FRY: variants seen among roughly 807,000 people sequenced by gnomAD.
FRY encodes the protein protein furry homolog.
FRY carries 128 observed loss-of-function variants against 348.4 expected under a neutral mutation model. The ratio of observed to expected loss-of-function variants is 0.37; its 90% CI spans 0.32 to 0.43. FRY has a LOEUF of 0.43. FRY is among the 20% of genes least tolerant of loss of function. The pLI, the probability that FRY is intolerant of heterozygous loss-of-function variation, is 1.00. For synonymous variants in FRY, 1,370 were observed against 1,374.7 expected, an observed-to-expected ratio of 1.00 and a Z score of 0.08; for missense variants, 2,736 against 3,695.2, an observed-to-expected ratio of 0.74 and a Z score of 6.73.
At chr13:32,143,604 T>G (rs1880216521) in intron 11 of FRY, among the ~76,000 whole-genome samples, 1 of 152,178 alleles carries the variant, frequency 6.6e-6, no homozygotes, top group Non-Finnish European at 1.5e-5. Flanking sequence ...GATACTTGCC[T>G]TCCTCATCAT....
chr13:32,258,030 A>C, intron 51 of FRY: 1 of 1,344,424 alleles, frequency 7.4e-7, no homozygotes. Context: ...ATCTTTGCAG[A>C]TTTATAACAA....
intron 7 of FRY, among the ~76,000 whole-genome samples, chr13:32,126,417 A>T (rs1050734353): frequency 3.0e-4 from 45 of 152,342 alleles, no homozygotes; most frequent in African/African-American, 1.1e-3. Context: ...CAATATTCTA[A>T]GCTTGTAGGA....
intron 28 of FRY, among the ~76,000 whole-genome samples, chr13:32,191,647 T>G (rs809559): frequency 0.49 from 74,456 of 152,006 alleles, 18,194 homozygotes; most frequent in Non-Finnish European, 0.49. Context: ...AGGCCAAGAA[T>G]TCCAAGGTTA....
rs368818617 is a variant in FRY, at chr13:32,065,712, C to T, written c.71-13122C>T. On this transcript the variant is annotated intron_variant, in intron 1 of 60. Transcript: ENST00000542859. ...AATTCCTGGGCTCAAGCGATCCTCC[C>T]GTCTCAGCCTCCCAGTAGCTAAGAC... 1.1e-4 allele frequency among the ~76,000 whole-genome samples: 16 copies of T among 152,166 alleles called. No homozygotes were observed. In the East Asian group the frequency reaches 2.5e-3, roughly 24 times the overall value.
chr13:32,281,359 C>T lies in FRY; in HGVS notation c.8469+2811C>T, dbSNP rs186431677. 7.2e-5 allele frequency among the ~76,000 whole-genome samples: 11 copies of T among 152,328 alleles called. No homozygotes were observed. The East Asian group carries it at 1.9e-3, about 27-fold the overall frequency. On this transcript the variant is annotated intron_variant, in intron 58 of 60. Coordinates refer to ENST00000542859, the MANE Select transcript of FRY (RefSeq NM_023037.3). ...TTCTTTCCATTTGTCCACACTTTCT[C>T]TAGCTTAATTTTGGAAGCAAAACAT...
intron 2 of FRY, among the ~76,000 whole-genome samples, chr13:32,097,148 G>A (rs1406713064): frequency 1.3e-5 from 2 of 152,092 alleles, no homozygotes; most frequent in Admixed American, 6.5e-5. Flanking sequence ...TTTCCCCGCT[G>A]TGGCAGGATC....
intron 59 of FRY, among the ~76,000 whole-genome samples, chr13:32,291,393 T>G (rs1355898637): frequency 1.3e-5 from 2 of 151,102 alleles, no homozygotes; most frequent in Non-Finnish European, 3.0e-5. Context: ...CTTTACTTTT[T>G]CTTTTTCTTT....
chr13:32,169,546 T>C (rs1881937217), intron 17 of FRY, among the ~76,000 whole-genome samples: 1 of 152,180 alleles, frequency 6.6e-6, no homozygotes, highest in Non-Finnish European at 1.5e-5. Flanking sequence ...GGCAAGACCC[T>C]GATCCAGGCA....
At position 32,157,293 on chromosome 13, in the gene FRY, C is replaced by A; in HGVS notation, c.1672C>A (p.Gln558Lys). 6.2e-7 allele frequency: 1 copy of A among 1,612,458 alleles called. No homozygotes were observed. Among genetic ancestry groups the A allele is most frequent in the South Asian group, 1.1e-5 (1 of 91,042 alleles). ...KMIGMSLYYS[Q>K]VRKAVDNILR... ...TTCAGGCATGTCCTTATATTACTCT[C>A]AAGTACGAAAAGCTGTAGACAACAT... The change falls in exon 16 of 61, where the codon CAA becomes AAA. Residue 558 changes from glutamine (Q) to lysine (K), a missense_variant. This residue lies in a region of FRY where 191 missense variants were observed against 370.2 expected (regional missense o/e 0.52). Transcript: ENST00000542859.
rs535816538 is a variant in FRY, at chr13:32,117,341, G to A, written c.332G>A (p.Ser111Asn). 10 of 1,613,920 alleles carry A rather than the reference G, an allele frequency of 6.2e-6. No individual in the cohort carries two copies. In the East Asian group the frequency reaches 2.2e-4, roughly 36 times the overall value. Residue 111 changes from serine (S) to asparagine (N), a missense_variant, in exon 4 of 61, where the codon AGC (serine) becomes AAC (asparagine). This residue lies in a region of FRY where 309 missense variants were observed against 418.1 expected (regional missense o/e 0.74). Coordinates refer to ENST00000542859, the MANE Select transcript of FRY (RefSeq NM_023037.3). The part of the protein sequence containing the change: ...GEDPQFDQVI[S>N]SMSSLSEYCL... Reference sequence around the variant, plus strand: ...CTGCATTTTCCTCCATAGGTCATCAGCTCAATGAGCTCCCTTTCTGAGTAC... The same window carrying A: ...CTGCATTTTCCTCCATAGGTCATCAACTCAATGAGCTCCCTTTCTGAGTAC...
Position 32,184,748 on chromosome 13 carries a change from T to C in FRY, c.3146+57T>C, listed in dbSNP as rs1882925181. 5.5e-6 allele frequency: 6 copies of C among 1,087,372 alleles called. No individual in the cohort carries two copies. In the South Asian group the frequency reaches 7.5e-5, roughly 14 times the overall value. The allele number at this position is 1,087,372 out of a possible 1,614,324, so 67.4% of individuals were successfully genotyped here. ...TCTCACCAGACTGATCTTTTTGTTT[T>C]CTTTCTGTCTCTCTCTTTTGTCTTT... is the stretch of plus-strand genomic sequence containing the variant. On this transcript the variant is annotated intron_variant, in intron 25 of 60. Coordinates refer to ENST00000542859, the MANE Select transcript of FRY (RefSeq NM_023037.3).
intron 16 of FRY, among the ~76,000 whole-genome samples, chr13:32,158,891 C>T (rs1881268710): frequency 7.1e-6 from 1 of 141,206 alleles, no homozygotes; most frequent in Non-Finnish European, 1.5e-5. Flanking sequence ...GCATTCCAGC[C>T]TGGGCGACAG....
chr13:32,143,986 G>A (rs536575697), intron 11 of FRY, among the ~76,000 whole-genome samples: 82 of 152,150 alleles, frequency 5.4e-4, no homozygotes, highest in Middle Eastern at 6.8e-3. Context: ...AGGCAAGGAT[G>A]GATTCAAACC....
chr13:32,082,784 C>T (rs1036721997), intron 2 of FRY, among the ~76,000 whole-genome samples: 1 of 152,130 alleles, frequency 6.6e-6, no homozygotes, highest in Non-Finnish European at 1.5e-5. Context: ...ACTGTGTTGC[C>T]TTATCATTGC....
intron 7 of FRY, among the ~76,000 whole-genome samples, chr13:32,125,127 A>C (rs1878942078): frequency 6.6e-6 from 1 of 152,226 alleles, no homozygotes; most frequent in African/African-American, 2.4e-5. Flanking sequence ...AAATGGGGTG[A>C]CCAGATTACA....
At chr13:32,133,768 C>CTTTTTTTTTTTTTT (rs34413710) in intron 8 of FRY, among the ~76,000 whole-genome samples, 124 of 89,294 alleles carry the variant, frequency 1.4e-3, no homozygotes, top group Non-Finnish European at 1.8e-3. Flanking sequence ...TTCTTTCTTT[C>CTTTTTTTTTTTTTT]TTTTTTTTTT....
intron 39 of FRY, among the ~76,000 whole-genome samples, chr13:32,227,431 T>C (rs1312708288): frequency 3.3e-5 from 5 of 152,162 alleles, no homozygotes; most frequent in African/African-American, 1.2e-4. Context: ...ACTCCTCACT[T>C]CTAATTCAGT....
chr13:32,066,153 G>A (rs114413131), intron 1 of FRY, among the ~76,000 whole-genome samples: 3,997 of 152,224 alleles, frequency 0.026, 61 homozygotes, highest in Middle Eastern at 0.068. Flanking sequence ...CAAGGTCCAC[G>A]TATTACATTT....
intron 17 of FRY, among the ~76,000 whole-genome samples, chr13:32,169,362 G>A (rs1378933132): frequency 1.3e-5 from 2 of 152,194 alleles, no homozygotes; most frequent in African/African-American, 2.4e-5. Context: ...AATAGCTAAC[G>A]TTACTGAGTG....
Sources: gnomAD v4.1 joint callset for allele counts (sites outside exome capture counted in the v4.1 genomes callset) on GRCh38, gnomAD v4.1.1 for gene constraint, gnomAD v4.1.1 regional missense constraint, MANE v1.5 for transcripts, NCBI Gene and HGNC (gene_info 2026-07-23, HGNC 2026-07-21) for gene names.